The following KEL variants were observed in gnomAD, a reference collection of about 807,000 sequenced individuals.
KEL encodes Kell metallo-endopeptidase (Kell blood group).
A neutral mutation model predicts 99.5 loss-of-function variants in KEL; 96 were observed. That is an observed-to-expected ratio of 0.97 (90% CI 0.82 to 1.14). The LOEUF is 1.14. Among genes scored for constraint, KEL ranks in the 50% most tolerant of loss-of-function variants. The pLI, the probability that KEL is intolerant of heterozygous loss-of-function variation, is 0.00. For missense variants in KEL, 926 were observed against 924.2 expected, an observed-to-expected ratio of 1.00 and a Z score of -0.03; for synonymous variants, 355 against 354.8, an observed-to-expected ratio of 1.00 and a Z score of -0.01.
At chr7:142,961,984 A>T in intron 1 of KEL, 112 bp from the exon 2 acceptor site, 1 of 1,608,062 alleles carries the variant, frequency 6.2e-7, no homozygotes, top group Non-Finnish European at 8.5e-7. Context: ...CTGCCCCCAC[A>T]CACATATTTT....
In KEL at chr7:142,957,976, T is replaced by A; in HGVS notation, c.526-3A>T. 1 of 1,613,804 alleles carries A rather than the reference T, an allele frequency of 6.2e-7. No individual in the cohort carries two copies. Among genetic ancestry groups the A allele is most frequent in the South Asian group, 1.1e-5 (1 of 90,992 alleles). ...CCAGAGATGCGCCAGCCTCCAAGCT[T>A]TAAAGGAGAGAGAGGGGGCTGAGCA... On this transcript the variant is annotated splice_polypyrimidine_tract_variant and splice_region_variant and intron_variant, in intron 5 of 18. Coordinates refer to ENST00000355265, the MANE Select transcript of KEL (RefSeq NM_000420.3).
At position 142,961,828 on chromosome 7, in the gene KEL, C is replaced by G; in HGVS notation, c.48G>C (p.Gln16His). Residue 16 changes from glutamine to histidine, a missense_variant, in exon 2 of 19, where the codon CAG becomes CAC. Gln to His is a conservative substitution (Grantham distance 24). Coordinates refer to ENST00000355265, the MANE Select transcript of KEL (RefSeq NM_000420.3). The stretch of plus-strand genomic sequence containing the variant: ...TCCAGAGAGTTCCCATTCCACCTGC[C>G]TGGCTGCGTTCCCTCGGCTCTTCCT... ...QSEEEPRERS[Q>H]AGGMGTLWSQ... is the part of the protein sequence containing the mutation. 1 of 1,614,154 alleles carries G rather than the reference C, an allele frequency of 6.2e-7. No homozygotes were observed. The highest frequency in any genetic ancestry group is 1.1e-5 in the South Asian group (1 of 91,082).
intron 10 of KEL, among the ~76,000 whole-genome samples, chr7:142,949,961 G>A (rs1408695118): frequency 6.6e-6 from 1 of 152,010 alleles, no homozygotes; most frequent in Non-Finnish European, 1.5e-5. Flanking sequence ...TCCAAAGATG[G>A]GCCAATAATG....
intron 18 of KEL, chr7:142,942,126 G>A (rs1334223323): frequency 2.2e-6 from 1 of 448,190 alleles, no homozygotes; most frequent in Non-Finnish European, 4.0e-6. Flanking sequence ...CATTTTTAAG[G>A]CATCTGTATT....
At position 142,960,913 on chromosome 7, in the gene KEL, C is replaced by G; in HGVS notation, c.400+15G>C. The G allele has an allele frequency of 6.2e-7, 1 of 1,613,910 alleles. No homozygotes were observed. Among genetic ancestry groups the G allele is most frequent in the Non-Finnish European group, 8.5e-7 (1 of 1,179,744 alleles). On this transcript the variant is annotated intron_variant, in intron 4 of 18. Transcript: ENST00000355265. ...ACCCACTTGCACAGAGCATCTTCCA[C>G]CCTGCTTTCCTCACCCAGTATTCTC...
chr7:142,953,765 C>T, intron 9 of KEL, 43 bp downstream of exon 9: 4 of 1,610,016 alleles, frequency 2.5e-6, no homozygotes, highest in Non-Finnish European at 3.4e-6. Flanking sequence ...TGCTCAGGCT[C>T]TCCTCCATTT....
At chr7:142,959,636 T>C (rs994865118) in intron 4 of KEL, among the ~76,000 whole-genome samples, 5 of 152,124 alleles carry the variant, frequency 3.3e-5, no homozygotes, top group Admixed American at 2.6e-4. Context: ...AGGGGAAGAC[T>C]CTTCTAGTCC....
chr7:142,948,804 C>T (rs1001654013), intron 10 of KEL, among the ~76,000 whole-genome samples: 14 of 151,954 alleles, frequency 9.2e-5, no homozygotes, highest in African/African-American at 3.4e-4. Context: ...TGTGGTGGGG[C>T]TTCAGAGAGC....
intron 4 of KEL, among the ~76,000 whole-genome samples, chr7:142,959,425 T>C (rs1384819543): frequency 3.3e-5 from 5 of 150,564 alleles, no homozygotes; most frequent in Non-Finnish European, 7.4e-5. Flanking sequence ...ATAAAAGAAA[T>C]GTGGGGAAGA....
chr7:142,948,899 G>GACACACACACACACACACACAC (rs72104159), intron 10 of KEL, among the ~76,000 whole-genome samples: 15 of 142,272 alleles, frequency 1.1e-4, no homozygotes, highest in African/African-American at 3.6e-4. Context: ...AAGCTTCACA[G>GACACACACACACACACACACAC]ACACACACAC....
chr7:142,949,735 C>T (rs1427293117), intron 10 of KEL, among the ~76,000 whole-genome samples: 1 of 152,134 alleles, frequency 6.6e-6, no homozygotes, highest in African/African-American at 2.4e-5. Flanking sequence ...TAACAGTAGT[C>T]TGGACGAAGA....
chr7:142,958,949 C>T (rs1331132004), intron 4 of KEL, among the ~76,000 whole-genome samples: 1 of 152,060 alleles, frequency 6.6e-6, no homozygotes, highest in Admixed American at 6.5e-5. Context: ...TCACCTGTAC[C>T]CTGGAAGCCA....
At position 142,944,744 on chromosome 7, in the gene KEL, G is replaced by A. The variant is rs773130528; in HGVS notation, c.1315-3C>T. ...ATCGCAGTGAATAATTTCATGGCCT[G>A]TGGGAGTGAGGTCCAGGGACAGGGG... On this transcript the variant is annotated splice_polypyrimidine_tract_variant and splice_region_variant and intron_variant, in intron 11 of 18. Transcript: ENST00000355265. 6 of 1,610,920 alleles carry A rather than the reference G, an allele frequency of 3.7e-6. No homozygotes were observed. In the African/African-American group the frequency reaches 6.7e-5, roughly 18 times the overall value.
chr7:142,960,835 T>A, intron 4 of KEL, 93 bp downstream of exon 4: 1 of 1,271,074 alleles, frequency 7.9e-7, no homozygotes, highest in Non-Finnish European at 1.2e-6. Flanking sequence ...AAATCAGTTG[T>A]TCCACAACTA....
At chr7:142,943,961 T>A in intron 13 of KEL, 78 bp from the exon 14 acceptor site, 1 of 1,236,836 alleles carries the variant, frequency 8.1e-7, no homozygotes, top group Non-Finnish European at 1.2e-6. Flanking sequence ...ATGGGACCAT[T>A]TGACCCCAAA....
chr7:142,941,227 T>C lies in KEL; in HGVS notation c.*25A>G. The C allele has an allele frequency of 2.5e-6, 4 of 1,613,402 alleles. No individual in the cohort carries two copies. Among genetic ancestry groups the C allele is most frequent in the Non-Finnish European group, 3.4e-6 (4 of 1,179,350 alleles). ...AGGGAGGTGTTGGTCGATATTTCTG[T>C]GCTGTGGCATCTTTGGTAACCAAGT... On this transcript the variant is annotated 3_prime_UTR_variant, in exon 19 of 19. Coordinates refer to ENST00000355265, the MANE Select transcript of KEL (RefSeq NM_000420.3).
At position 142,944,785 on chromosome 7, in the gene KEL, G is replaced by T. The variant is rs1310796245; in HGVS notation, c.1315-44C>A. 5.4e-6 allele frequency: 8 copies of T among 1,480,860 alleles called. No individual in the cohort carries two copies. In the Admixed American group the frequency reaches 1.4e-4, roughly 25 times the overall value. 91.7% of individuals were successfully genotyped at this position (1,480,860 alleles called of 1,614,324 possible). Reference sequence around the variant, plus strand: ...GGGACAGGGGGACAGGATCAGGAGAGGCCTCAGCCTGGCCCTGCCCACAGC... The same window carrying T: ...GGGACAGGGGGACAGGATCAGGAGATGCCTCAGCCTGGCCCTGCCCACAGC... On this transcript the variant is annotated intron_variant, in intron 11 of 18. Transcript: ENST00000355265.
chr7:142,944,173 G>A, intron 13 of KEL, 150 bp downstream of exon 13: 1 of 758,572 alleles, frequency 1.3e-6, no homozygotes, highest in Middle Eastern at 2.3e-4. Context: ...GTACAGTGTG[G>A]ATATTTCCCC....
At chr7:142,953,566 G>A (rs980864778) in intron 9 of KEL, among the ~76,000 whole-genome samples, 16 of 152,044 alleles carry the variant, frequency 1.1e-4, no homozygotes, top group African/African-American at 3.4e-4. Flanking sequence ...CTGACCCTGC[G>A]TTCCTCATGT....
Sources: allele counts gnomAD v4.1 joint callset (sites outside exome capture counted in the v4.1 genomes callset), GRCh38; gene constraint gnomAD v4.1.1; transcripts MANE v1.5; gene names NCBI Gene and HGNC (gene_info 2026-07-23, HGNC 2026-07-21).